DIAPH2: variants seen among roughly 807,000 people sequenced by gnomAD.
DIAPH2 encodes the protein protein diaphanous homolog 2.
In DIAPH2, 35 loss-of-function variants were observed where a neutral mutation model predicts 92.7. That is an observed-to-expected ratio of 0.38 (90% CI 0.29 to 0.50). The LOEUF is 0.50. Among genes scored for constraint, DIAPH2 ranks in the 20% least tolerant of loss-of-function variants. The pLI is 0.94. For synonymous variants in DIAPH2, 301 were observed against 280.4 expected, an observed-to-expected ratio of 1.07 and a Z score of -0.73; for missense variants, 701 against 819.5, an observed-to-expected ratio of 0.86 and a Z score of 1.77.
At chrX:97,301,069 C>T (rs2068699610) in intron 23 of DIAPH2, among the ~76,000 whole-genome samples, 1 of 96,305 alleles carries the variant, frequency 1.0e-5, no homozygotes, top group Non-Finnish European at 2.0e-5. Context: ...TTTGGGAGGC[C>T]GAGGTGGGCG....
chrX:97,511,625 G>A (rs1348959084), intron 26 of DIAPH2, among the ~76,000 whole-genome samples: 3 of 109,898 alleles, frequency 2.7e-5, no homozygotes, highest in African/African-American at 1.0e-4. Context: ...TGCCCATTTA[G>A]TATGATATTG....
At chrX:97,310,535 G>A (rs888351629) in intron 23 of DIAPH2, among the ~76,000 whole-genome samples, 1 of 111,559 alleles carries the variant, frequency 9.0e-6, no homozygotes, top group Non-Finnish European at 1.9e-5. Flanking sequence ...TGGGGAAAGA[G>A]CATTCCAAGC....
At chrX:97,579,533 G>A (rs1245222980) in intron 26 of DIAPH2, among the ~76,000 whole-genome samples, 1 of 111,170 alleles carries the variant, frequency 9.0e-6, no homozygotes, top group African/African-American at 3.3e-5. Context: ...CTATATCTCT[G>A]TTTTGGTACC....
chrX:96,941,877 T>C, intron 12 of DIAPH2, 141 bp from the exon 13 acceptor site: 3 of 441,774 alleles, frequency 6.8e-6, no homozygotes, highest in Admixed American at 3.4e-5. Flanking sequence ...ATGCTTGTCC[T>C]AAGAAAGTGT....
rs192092730 is a variant in DIAPH2 at position 97,102,905 on chromosome X, A to G, written c.2349+3110A>G. On this transcript the variant is annotated intron_variant, in intron 20 of 26. Transcript: ENST00000324765. ...CAGTGAGCTGACATCAGGCCACTGC[A>G]CTCCAGCCTGGGCCACAGAGCAAGA... Among the ~76,000 whole-genome samples, 569 of 111,311 alleles carry G rather than the reference A, an allele frequency of 5.1e-3. 6 individuals are homozygous for G. Among genetic ancestry groups the G allele is most frequent in the African/African-American group, 0.018 (541 of 30,643 alleles).
intron 26 of DIAPH2, among the ~76,000 whole-genome samples, chrX:97,507,669 T>G (rs944797728): frequency 1.8e-5 from 2 of 112,082 alleles, no homozygotes; most frequent in African/African-American, 6.5e-5. Flanking sequence ...TCTACAAGTT[T>G]GTGATGTTTA....
chrX:97,154,976 G>A (rs1305767297), intron 22 of DIAPH2, among the ~76,000 whole-genome samples: 3 of 111,746 alleles, frequency 2.7e-5, no homozygotes, highest in Admixed American at 9.5e-5. Flanking sequence ...GAACATTTTC[G>A]TAGGAAAAAC....
intron 26 of DIAPH2, among the ~76,000 whole-genome samples, chrX:97,541,434 A>AG (rs57961197): frequency 0.034 from 3,760 of 112,020 alleles, 53 homozygotes; most frequent in Middle Eastern, 0.06. Flanking sequence ...AATTCATATC[A>AG]CAGAGGAAAG....
chrX:97,387,678 A>G (rs764394552), intron 25 of DIAPH2, among the ~76,000 whole-genome samples: 26 of 112,063 alleles, frequency 2.3e-4, no homozygotes, highest in Admixed American at 4.7e-4. Context: ...TACCAAAATA[A>G]TGTTTGACCA....
chrX:96,921,409 C>T (rs1036754095), intron 9 of DIAPH2, among the ~76,000 whole-genome samples: 2 of 111,789 alleles, frequency 1.8e-5, no homozygotes, highest in Admixed American at 9.5e-5. Context: ...TATACACCAG[C>T]AGCTTCTTTT....
intron 17 of DIAPH2, 118 bp from the exon 18 acceptor site, chrX:97,072,823 A>G (rs1383836439): frequency 2.4e-6 from 1 of 421,299 alleles, no homozygotes; most frequent in African/African-American, 2.6e-5. Flanking sequence ...AATGAAATCA[A>G]CACATTTATT....
intron 4 of DIAPH2, among the ~76,000 whole-genome samples, chrX:96,771,554 T>C (rs1421924662): frequency 8.9e-6 from 1 of 111,765 alleles, no homozygotes; most frequent in Non-Finnish European, 1.9e-5. Flanking sequence ...TGTGTGTTTT[T>C]GTTGTTAAGT....
At chrX:96,859,649 A>G (rs867234189) in intron 4 of DIAPH2, among the ~76,000 whole-genome samples, 2 of 103,584 alleles carry the variant, frequency 1.9e-5, no homozygotes, top group African/African-American at 7.7e-5. Context: ...TTATTTATTT[A>G]TTTATTTTTT....
At chrX:96,829,884 T>A (rs945089972) in intron 4 of DIAPH2, among the ~76,000 whole-genome samples, 4 of 105,858 alleles carry the variant, frequency 3.8e-5, no homozygotes, top group African/African-American at 1.3e-4. Flanking sequence ...ACAGAATTTT[T>A]CTTTTTCTTT....
At chrX:97,551,138 G>T (rs1181553306) in intron 26 of DIAPH2, among the ~76,000 whole-genome samples, 2 of 110,766 alleles carry the variant, frequency 1.8e-5, no homozygotes, top group Non-Finnish European at 3.8e-5. Flanking sequence ...CAGGGGAGAG[G>T]TATGAAAAAA....
intron 1 of DIAPH2, among the ~76,000 whole-genome samples, chrX:96,711,122 A>G (rs969247766): frequency 8.9e-6 from 1 of 111,916 alleles, no homozygotes. Flanking sequence ...ATATTTTTGC[A>G]GTTGCTAATT....
intron 17 of DIAPH2, among the ~76,000 whole-genome samples, chrX:97,015,972 A>T (rs1177120708): frequency 9.0e-6 from 1 of 111,471 alleles, no homozygotes; most frequent in Non-Finnish European, 1.9e-5. Flanking sequence ...GTTGCTAGGA[A>T]TGTCTTAAAA....
At chrX:97,531,926 A>G (rs777668527) in intron 26 of DIAPH2, among the ~76,000 whole-genome samples, 2 of 112,547 alleles carry the variant, frequency 1.8e-5, no homozygotes, top group Non-Finnish European at 3.8e-5. Context: ...TTGCACTATT[A>G]CTTTAGATTA....
At chrX:97,205,985 T>A (rs983962171) in intron 22 of DIAPH2, among the ~76,000 whole-genome samples, 3 of 111,455 alleles carry the variant, frequency 2.7e-5, no homozygotes, top group African/African-American at 9.8e-5. Flanking sequence ...TAAAAAAGAA[T>A]GAGATCATGT....
Sources: gnomAD v4.1 joint callset for allele counts (sites outside exome capture counted in the v4.1 genomes callset) on GRCh38, gnomAD v4.1.1 for gene constraint, MANE v1.5 for transcripts, NCBI Gene and HGNC (gene_info 2026-07-23, HGNC 2026-07-21) for gene names.